Variants in ABCD2 observed in about 807,000 individuals in gnomAD.
ABCD2 encodes the protein ATP-binding cassette sub-family D member 2.
In ABCD2, 36 loss-of-function variants were observed where a neutral mutation model predicts 70.9. The ratio of observed to expected loss-of-function variants is 0.51; its 90% CI spans 0.39 to 0.67. The LOEUF is 0.67. Among genes scored for constraint, ABCD2 ranks in the 30% least tolerant of loss-of-function variants. The probability of loss-of-function intolerance (pLI) is 0.00; values close to 1 mark genes in which losing one functional copy is unlikely to be tolerated. For synonymous variants in ABCD2, 304 were observed against 306.9 expected, an observed-to-expected ratio of 0.99 and a Z score of 0.10; for missense variants, 729 against 890.2, an observed-to-expected ratio of 0.82 and a Z score of 2.30.
chr12:39,594,873 C>T (rs1941794572), intron 6 of ABCD2, among the ~76,000 whole-genome samples: 1 of 152,026 alleles, frequency 6.6e-6, no homozygotes, highest in East Asian at 1.9e-4. Context: ...ACTTGGGAAG[C>T]TGAGGTGCGA....
chr12:39,565,245 T>C (rs1303555408), intron 9 of ABCD2, among the ~76,000 whole-genome samples: 1 of 152,236 alleles, frequency 6.6e-6, no homozygotes, highest in African/African-American at 2.4e-5. Flanking sequence ...ACGATATTGA[T>C]TCTTCCTACC....
chr12:39,562,084 GT>G (rs139689836), intron 9 of ABCD2, among the ~76,000 whole-genome samples: 6,732 of 152,076 alleles, frequency 0.044, 529 homozygotes, highest in African/African-American at 0.16. Flanking sequence ...CATGATATTG[GT>G]TAACCAATGG....
In ABCD2 at chr12:39,618,659, C is replaced by A; in HGVS notation, c.939+18G>T. On this transcript the variant is annotated intron_variant, in intron 1 of 9. Transcript: ENST00000308666. ...GAACAGTTTCACATTTCACCCATCACCTTAATTTCTATCTTACCTTATGTC... is the reference window on the plus strand; with the variant it reads ...GAACAGTTTCACATTTCACCCATCAACTTAATTTCTATCTTACCTTATGTC... 2.5e-6 allele frequency: 4 copies of A among 1,597,102 alleles called. No homozygotes were observed. The highest frequency in any genetic ancestry group is 3.4e-6 in the Non-Finnish European group (4 of 1,171,988).
the ABCD2 span, among the ~76,000 whole-genome samples, chr12:39,537,778 T>C: frequency 6.6e-6 from 1 of 152,234 alleles, no homozygotes; most frequent in Non-Finnish European, 1.5e-5. Context: ...GCAAATTATA[T>C]GTTGTCCAAC....
chr12:39,538,399 T>C, the ABCD2 span, among the ~76,000 whole-genome samples: 1 of 152,116 alleles, frequency 6.6e-6, no homozygotes, highest in Non-Finnish European at 1.5e-5. Context: ...GGTCTCAAAC[T>C]CCTGGCCCCA....
At chr12:39,559,864 A>T (rs1591966060) in intron 9 of ABCD2, among the ~76,000 whole-genome samples, 1 of 152,220 alleles carries the variant, frequency 6.6e-6, no homozygotes, top group African/African-American at 2.4e-5. Flanking sequence ...TCTTATAAGG[A>T]GTACTAAAGG....
At chr12:39,534,252 A>G in the ABCD2 span, among the ~76,000 whole-genome samples, 1 of 152,312 alleles carries the variant, frequency 6.6e-6, no homozygotes, top group Middle Eastern at 3.4e-3. Context: ...GCTGTAAGGA[A>G]TAAAGGACAA....
At chr12:39,586,104 T>G (rs753995415) in intron 7 of ABCD2, 48 bp downstream of exon 7, 1 of 1,536,900 alleles carries the variant, frequency 6.5e-7, no homozygotes, top group Non-Finnish European at 8.8e-7. Flanking sequence ...CCAAGCTTAC[T>G]TTTTAAAAGT....
At chr12:39,574,267 A>T (rs1008836488) in intron 8 of ABCD2, among the ~76,000 whole-genome samples, 1 of 152,136 alleles carries the variant, frequency 6.6e-6, no homozygotes, top group Non-Finnish European at 1.5e-5. Flanking sequence ...TAATGAGAAG[A>T]TTATTTTATC....
chr12:39,619,634 C>A lies in ABCD2; in HGVS notation c.-19G>T. 1 of 1,589,720 alleles carries A rather than the reference C, an allele frequency of 6.3e-7. No individual in the cohort carries two copies. Among genetic ancestry groups the A allele is most frequent in the Non-Finnish European group, 8.5e-7 (1 of 1,171,734 alleles). ...GTGTCATTTTCCCAGTTACCCAAAC[C>A]GGCTTCCAAAAGAATTCGTTTTAAA... On this transcript the variant is annotated 5_prime_UTR_variant, in exon 1 of 10. Transcript: ENST00000308666.
downstream of ABCD2, among the ~76,000 whole-genome samples, chr12:39,549,622 T>A (rs1240125477): frequency 6.6e-6 from 1 of 151,840 alleles, no homozygotes; most frequent in African/African-American, 2.4e-5. Context: ...TAACATAAGT[T>A]CCCTTTTTAG....
intron 7 of ABCD2, among the ~76,000 whole-genome samples, chr12:39,585,771 G>C (rs966730202): frequency 2.6e-5 from 4 of 151,988 alleles, no homozygotes; most frequent in African/African-American, 9.7e-5. Flanking sequence ...AAAGTTCTGT[G>C]GTATCTACTT....
At chr12:39,563,560 ATAAATAAAGGAAAAAGT>A (rs1169362324) in intron 9 of ABCD2, among the ~76,000 whole-genome samples, 33 of 152,300 alleles carry the variant, frequency 2.2e-4, no homozygotes, top group African/African-American at 3.6e-4. Flanking sequence ...AAGGAAAAAG[ATAAATAAAGGAAAAAGT>A]TAAATAAAGG....
chr12:39,541,365 T>G, the ABCD2 span, among the ~76,000 whole-genome samples: 1 of 151,924 alleles, frequency 6.6e-6, no homozygotes, highest in South Asian at 2.1e-4. Context: ...AAAAAATGAG[T>G]AAAGTCGGTG....
At chr12:39,600,841 A>G (rs1004521082) in intron 5 of ABCD2, 125 bp from the exon 6 acceptor site, 2 of 806,434 alleles carry the variant, frequency 2.5e-6, no homozygotes, top group Non-Finnish European at 3.8e-6. Flanking sequence ...CAAAAGATCA[A>G]GGAAAAATAT....
chr12:39,570,698 G>A (rs1386771727), intron 9 of ABCD2, among the ~76,000 whole-genome samples: 7 of 152,104 alleles, frequency 4.6e-5, no homozygotes, highest in East Asian at 1.9e-4. Flanking sequence ...TTTGGGCAAC[G>A]AGTTTTGGAT....
At chr12:39,556,611 T>G (rs1941169644) in intron 9 of ABCD2, among the ~76,000 whole-genome samples, 1 of 152,156 alleles carries the variant, frequency 6.6e-6, no homozygotes, top group African/African-American at 2.4e-5. Context: ...CTTTATAAAT[T>G]ACCCGGTCTA....
the ABCD2 span, among the ~76,000 whole-genome samples, chr12:39,533,744 A>C: frequency 6.6e-6 from 1 of 152,152 alleles, no homozygotes; most frequent in Non-Finnish European, 1.5e-5. Context: ...ATTAATAGGC[A>C]CTCCCTAACA....
chr12:39,538,163 C>CTT, the ABCD2 span, among the ~76,000 whole-genome samples: 1 of 144,198 alleles, frequency 6.9e-6, no homozygotes, highest in African/African-American at 2.6e-5. Flanking sequence ...CTTTCATTTT[C>CTT]TTTCTTTCTT....
Sources: gnomAD v4.1 joint callset for allele counts (sites outside exome capture counted in the v4.1 genomes callset) on GRCh38, gnomAD v4.1.1 for gene constraint, MANE v1.5 for transcripts, NCBI Gene and HGNC (gene_info 2026-07-23, HGNC 2026-07-21) for gene names.